The following CRTC3 variants were observed in gnomAD, a reference collection of about 807,000 sequenced individuals.
CRTC3 encodes the protein CREB regulated transcription coactivator 3.
In CRTC3, 26 loss-of-function variants were observed where a neutral mutation model predicts 74.5. The ratio of observed to expected loss-of-function variants is 0.35; its 90% CI spans 0.26 to 0.48. The LOEUF is 0.48. Ranked by LOEUF, CRTC3 falls within the 20% of genes least tolerant of loss-of-function variation. The probability of loss-of-function intolerance (pLI) is 0.99; values close to 1 mark genes in which losing one functional copy is unlikely to be tolerated. For synonymous variants in CRTC3, 377 were observed against 325.8 expected, an observed-to-expected ratio of 1.16 and a Z score of -1.69; for missense variants, 760 against 787.3, an observed-to-expected ratio of 0.97 and a Z score of 0.41.
At chr15:90,562,127 C>T (rs2151066103) in intron 2 of CRTC3, among the ~76,000 whole-genome samples, 1 of 152,328 alleles carries the variant, frequency 6.6e-6, no homozygotes, top group Admixed American at 6.5e-5. Context: ...CCCATTTTCT[C>T]CTGTAACCTC....
Position 90,593,664 on chromosome 15 carries a change from G to C in CRTC3, c.260G>C (p.Arg87Pro). 6.2e-7 allele frequency: 1 copy of C among 1,610,198 alleles called. No individual in the cohort carries two copies. The highest frequency in any genetic ancestry group is 8.5e-7 in the Non-Finnish European group (1 of 1,176,728). Residue 87 changes from arginine to proline, a missense_variant, in exon 3 of 15, where the codon CGG (arginine) becomes CCG (proline). Arg to Pro is a moderately radical substitution (Grantham distance 103). Around this residue, in one of 2 missense-constraint regions of CRTC3, gnomAD observed 108 missense variants for 152.1 expected, o/e 0.71. Coordinates refer to ENST00000268184, the MANE Select transcript of CRTC3 (RefSeq NM_022769.5). ...TCATTTCACCAAGCTGATAATGTTC[G>C]GGGAACCCGCCATCACGGGCTGGTG... ...QPSFHQADNV[R>P]GTRHHGLVER... is the part of the protein sequence containing the mutation.
chr15:90,598,820 A>T (rs1967996138), intron 3 of CRTC3: 1 of 337,238 alleles, frequency 3.0e-6, no homozygotes, highest in African/African-American at 2.1e-5. Flanking sequence ...CGAGGGAAGG[A>T]TGCGATTGGC....
intron 10 of CRTC3, 50 bp from the exon 11 acceptor site, chr15:90,629,184 A>T: frequency 3.9e-6 from 6 of 1,556,100 alleles, no homozygotes; most frequent in Non-Finnish European, 5.2e-6. Context: ...TTGGAATACA[A>T]AAGATTTGGT....
chr15:90,544,645 G>A (rs1966841266), intron 2 of CRTC3, among the ~76,000 whole-genome samples: 1 of 152,134 alleles, frequency 6.6e-6, no homozygotes, highest in Non-Finnish European at 1.5e-5. Flanking sequence ...AGCTAGTAGT[G>A]GAATTGCTAG....
rs981539224 is a variant in CRTC3 at position 90,607,588 on chromosome 15, T to TA, written c.577+111dup. ...TTTGCGCTTCCCGGTTCAGTGATCT[T>TA]AGAGAGGCAGCTCGTGGCAGGGAAG... On this transcript the variant is annotated intron_variant, in intron 6 of 14. Coordinates refer to ENST00000268184, the MANE Select transcript of CRTC3 (RefSeq NM_022769.5). 4.5e-5 allele frequency: 30 copies of TA among 672,586 alleles called. No homozygotes were observed. In the African/African-American group the frequency reaches 5.1e-4, roughly 11 times the overall value. The allele number at this position is 672,586 out of a possible 1,614,324, so 41.7% of individuals were successfully genotyped here. A position where few individuals can be genotyped will look rare whatever the true frequency, so the allele number is the denominator to read the frequency against.
intron 7 of CRTC3, among the ~76,000 whole-genome samples, chr15:90,616,510 C>T (rs1266567469): frequency 6.6e-6 from 1 of 151,976 alleles, no homozygotes; most frequent in African/African-American, 2.4e-5. Flanking sequence ...TCTTGGGTAC[C>T]CGGCCATCTT....
intron 5 of CRTC3, among the ~76,000 whole-genome samples, chr15:90,605,969 A>C (rs534046313): frequency 7.2e-5 from 11 of 152,240 alleles, no homozygotes; most frequent in Non-Finnish European, 1.6e-4. Flanking sequence ...CTTAAAAAAC[A>C]TGGAGGCCTG....
In CRTC3 at chr15:90,643,470, C is replaced by T. The variant is rs1332854011; in HGVS notation, c.*1330C>T. The T allele has an allele frequency of 8.7e-6, 2 of 229,114 alleles. No individual in the cohort carries two copies. Among genetic ancestry groups the T allele is most frequent in the Admixed American group, 1.1e-4 (2 of 17,634 alleles). The allele number at this position is 229,114 out of a possible 1,614,324, so 14.2% of individuals were successfully genotyped here. ...CCGGAAGGGCTGAGCAGGTGAGTGC[C>T]CTGAGCATCCTGGCTGGGCCCCACC... On this transcript the variant is annotated 3_prime_UTR_variant, in exon 15 of 15. Transcript: ENST00000268184.
At chr15:90,613,137 C>T (rs1436022203) in intron 6 of CRTC3, among the ~76,000 whole-genome samples, 1 of 135,972 alleles carries the variant, frequency 7.4e-6, no homozygotes, top group East Asian at 2.1e-4. Context: ...GAGCCAAGGT[C>T]ACGCCACCGC....
intron 5 of CRTC3, among the ~76,000 whole-genome samples, chr15:90,604,867 T>G (rs1968174496): frequency 6.6e-6 from 1 of 152,204 alleles, no homozygotes; most frequent in Non-Finnish European, 1.5e-5. Context: ...CCATTTTTTT[T>G]CAATCCTGAC....
chr15:90,539,904 G>T, intron 1 of CRTC3, 135 bp from the exon 2 acceptor site: 1 of 677,306 alleles, frequency 1.5e-6, no homozygotes, highest in Non-Finnish European at 2.6e-6. Context: ...CCTTGAGGGT[G>T]TGATCACTTA....
intron 2 of CRTC3, among the ~76,000 whole-genome samples, chr15:90,554,793 G>C (rs754687637): frequency 5.3e-5 from 8 of 152,342 alleles, no homozygotes; most frequent in Non-Finnish European, 1.0e-4. Context: ...TACTGCAGCA[G>C]CTCTCAACCA....
At chr15:90,624,734 G>A (rs973716345) in intron 9 of CRTC3, among the ~76,000 whole-genome samples, 4 of 152,260 alleles carry the variant, frequency 2.6e-5, no homozygotes, top group Admixed American at 1.3e-4. Context: ...CTGCCCATCT[G>A]TGAATTCCAA....
chr15:90,619,552 C>T (rs1009051962), intron 8 of CRTC3, among the ~76,000 whole-genome samples, 189 bp from the exon 9 acceptor site: 2 of 152,166 alleles, frequency 1.3e-5, no homozygotes, highest in African/African-American at 4.8e-5. Context: ...ATTATGCCTC[C>T]CTTAGGCCTG....
In CRTC3 at chr15:90,642,388, A is replaced by C. The variant is rs564823293; in HGVS notation, c.*248A>C. 2 of 538,822 alleles carry C rather than the reference A, an allele frequency of 3.7e-6. No individual in the cohort carries two copies. The highest frequency in any genetic ancestry group is 6.7e-6 in the Non-Finnish European group (2 of 298,346). The allele number at this position is 538,822 out of a possible 1,614,324, so 33.4% of individuals were successfully genotyped here. On this transcript the variant is annotated 3_prime_UTR_variant, in exon 15 of 15. Transcript: ENST00000268184. ...GCAGGCAGGCTGCTTGGAGCTTCCC[A>C]TGAACTGGAAAGCTCACCTCCACTG...
In CRTC3 at chr15:90,617,968, G is replaced by C; in HGVS notation, c.699G>C (p.Glu233Asp). Residue 233 changes from glutamate (E) to aspartate (D), a missense_variant and splice_region_variant, in exon 8 of 15, where the codon GAG (glutamate) becomes GAC (aspartate). Glu to Asp is a conservative substitution (Grantham distance 45). Transcript: ENST00000268184. ...CAAAACAACTGTGGGAGACCAAGGAGGTGGGTGAACAGTACTCAGCTATGT... is the reference window on the plus strand; with the variant it reads ...CAAAACAACTGTGGGAGACCAAGGACGTGGGTGAACAGTACTCAGCTATGT... Reference protein sequence around the residue: ...PLPKQLWETKEIQSLSGRPRS... With the variant: ...PLPKQLWETKDIQSLSGRPRS... The C allele has an allele frequency of 6.3e-7, 1 of 1,593,620 alleles. No homozygotes were observed. Among genetic ancestry groups the C allele is most frequent in the Non-Finnish European group, 8.6e-7 (1 of 1,161,424 alleles).
intron 1 of CRTC3, among the ~76,000 whole-genome samples, chr15:90,532,337 G>A: frequency 6.6e-6 from 1 of 152,212 alleles, no homozygotes; most frequent in East Asian, 1.9e-4. Flanking sequence ...TTCCCAGCAT[G>A]TCTATGAAGA....
At chr15:90,548,826 A>G (rs1478807448) in intron 2 of CRTC3, among the ~76,000 whole-genome samples, 1 of 152,224 alleles carries the variant, frequency 6.6e-6, no homozygotes, top group Admixed American at 6.5e-5. Context: ...GAATTCGACA[A>G]TAGCACAATT....
intron 2 of CRTC3, among the ~76,000 whole-genome samples, chr15:90,587,254 C>CT (rs574779737): frequency 1.3e-5 from 2 of 152,182 alleles, no homozygotes; most frequent in Non-Finnish European, 2.9e-5. Context: ...TAACTGAGCT[C>CT]TAGGTCCCTT....
Sources: allele counts gnomAD v4.1 joint callset (sites outside exome capture counted in the v4.1 genomes callset), GRCh38; gene constraint gnomAD v4.1.1; regional missense constraint gnomAD v4.1.1; transcripts MANE v1.5; gene names NCBI Gene and HGNC (gene_info 2026-07-23, HGNC 2026-07-21).